Variants in EIF2AK3 observed in about 807,000 individuals in gnomAD.
The protein encoded by EIF2AK3 is eukaryotic translation initiation factor 2 alpha kinase 3, also known as eukaryotic translation initiation factor 2-alpha kinase 3.
A neutral mutation model predicts 113.5 loss-of-function variants in EIF2AK3; 50 were observed. The ratio of observed to expected loss-of-function variants is 0.44; its 90% CI spans 0.35 to 0.56. The LOEUF (loss-of-function observed/expected upper bound fraction) is 0.56, where lower values mean the gene tolerates loss of function less well. Ranked by LOEUF, EIF2AK3 falls within the 20% of genes least tolerant of loss-of-function variation. The pLI, the probability that EIF2AK3 is intolerant of heterozygous loss-of-function variation, is 0.00. For missense variants in EIF2AK3, 1,185 were observed against 1,378.0 expected (o/e 0.86, Z 2.22); for synonymous variants, 448 against 495.4 (o/e 0.90, Z 1.27).
intron 1 of EIF2AK3, 124 bp downstream of exon 1, chr2:88,626,843 C>T: frequency 7.5e-7 from 1 of 1,339,088 alleles, no homozygotes; most frequent in Non-Finnish European, 1.0e-6. Context: ...CCCAGGTCGC[C>T]AGCTGCCCTC....
intron 10 of EIF2AK3, 43 bp downstream of exon 10, chr2:88,583,387 T>C: frequency 6.7e-7 from 1 of 1,492,330 alleles, no homozygotes; most frequent in Non-Finnish European, 9.3e-7. Context: ...TCTTAGGTCA[T>C]TTCTTCTTTG....
rs147543731 is a variant in EIF2AK3, at chr2:88,627,398, C to A, written c.-124G>T. The A allele has an allele frequency of 4.8e-4, 579 of 1,214,686 alleles. 3 individuals carry two copies. In the African/African-American group the frequency reaches 8.5e-3, roughly 18 times the overall value. 75.2% of individuals were successfully genotyped at this position (1,214,686 alleles called of 1,614,324 possible). On this transcript the variant is annotated 5_prime_UTR_variant, in exon 1 of 17. Coordinates refer to ENST00000303236, the MANE Select transcript of EIF2AK3 (RefSeq NM_004836.7). ...CCTACTGCCGCCCCGACGGCCTGGA[C>A]AGCCAGCCGTGTTCCCCTGGCCACG...
At chr2:88,599,957 AGATTT>A (rs1343776740) in intron 2 of EIF2AK3, among the ~76,000 whole-genome samples, 1 of 152,218 alleles carries the variant, frequency 6.6e-6, no homozygotes, top group Non-Finnish European at 1.5e-5. Flanking sequence ...TAAAGATTCA[AGATTT>A]GATATCATTG....
intron 14 of EIF2AK3, among the ~76,000 whole-genome samples, chr2:88,565,893 G>C (rs1014699078): frequency 3.3e-5 from 5 of 152,030 alleles, no homozygotes; most frequent in African/African-American, 7.2e-5. Context: ...AATTACCAGG[G>C]CCAATAGATT....
chr2:88,599,816 T>C (rs1675107242), intron 2 of EIF2AK3, among the ~76,000 whole-genome samples: 1 of 152,084 alleles, frequency 6.6e-6, no homozygotes, highest in South Asian at 2.1e-4. Context: ...AGTGCAAAAA[T>C]CAACTGCCAA....
chr2:88,593,840 T>G, intron 3 of EIF2AK3: 3 of 953,422 alleles, frequency 3.1e-6, no homozygotes, highest in South Asian at 4.5e-5. Context: ...CAAAAGTAAC[T>G]GCCTCAAATT....
chr2:88,562,153 TACTC>T (rs1185199693), intron 15 of EIF2AK3, 132 bp downstream of exon 15: 2 of 705,702 alleles, frequency 2.8e-6, no homozygotes, highest in Non-Finnish European at 5.0e-6. Context: ...CTCTCTGTGT[TACTC>T]ACATCACCTC....
Position 88,587,231 on chromosome 2 carries a change from AAGAT to A in EIF2AK3, c.1429+747_1429+750del, listed in dbSNP as rs1434422365. On this transcript the variant is annotated intron_variant, in intron 8 of 16. Transcript: ENST00000303236. ...AAAAAAAAAAAAAAAAAAAAAAAAAAAGATAAAGGCTGCTGTTTCTAGTTCAGAG... is the reference window on the plus strand; with the variant it reads ...AAAAAAAAAAAAAAAAAAAAAAAAAAAAAGGCTGCTGTTTCTAGTTCAGAG... 5.3e-5 allele frequency among the ~76,000 whole-genome samples: 8 copies of A among 150,084 alleles called. No homozygotes were observed. In the East Asian group the frequency reaches 1.2e-3, roughly 22 times the overall value.
rs1213285607 is a variant in EIF2AK3, at chr2:88,570,975, T to C, written c.2884A>G (p.Met962Val). The C allele has an allele frequency of 1.9e-6, 3 of 1,614,034 alleles. No homozygotes were observed. The highest frequency in any genetic ancestry group is 2.7e-5 in the African/African-American group (2 of 74,916). Residue 962 changes from methionine (M) to valine (V), a missense_variant, in exon 14 of 17, where the codon ATG becomes GTG. Coordinates refer to ENST00000303236, the MANE Select transcript of EIF2AK3 (RefSeq NM_004836.7). Reference sequence around the variant, plus strand: ...GTCTGCTCTTCCTCATCCTGGTCCATTGCAGTCACTAACCCAAAGTCTCCA... The same window carrying C: ...GTCTGCTCTTCCTCATCCTGGTCCACTGCAGTCACTAACCCAAAGTCTCCA... ...KVGDFGLVTA[M>V]DQDEEEQTVL...
intron 10 of EIF2AK3, among the ~76,000 whole-genome samples, chr2:88,580,952 A>C (rs1226069573): frequency 1.3e-5 from 2 of 151,970 alleles, no homozygotes; most frequent in African/African-American, 4.8e-5. Context: ...TTCATATCCT[A>C]CTCCTGGAGG....
At position 88,574,755 on chromosome 2, in the gene EIF2AK3, C is replaced by T; in HGVS notation, c.2728G>A (p.Glu910Lys). Residue 910 changes from glutamate to lysine, a missense_variant, in exon 13 of 17, where the codon GAG becomes AAG. By Grantham distance (56) the Glu-to-Lys change is moderately conservative. Around this residue, in one of 3 missense-constraint regions of EIF2AK3, gnomAD observed 877 missense variants for 1,024.2 expected, o/e 0.86. Coordinates refer to ENST00000303236, the MANE Select transcript of EIF2AK3 (RefSeq NM_004836.7). ...MNGRCTIEER[E>K]RSVCLHIFLQ... is the part of the protein sequence containing the mutation. ...AAGATGTGCAGACACACGCTCCTCTCTCTCTCCTCTATGGTACATCGTCCA... is the reference window on the plus strand; with the variant it reads ...AAGATGTGCAGACACACGCTCCTCTTTCTCTCCTCTATGGTACATCGTCCA... The T allele has an allele frequency of 6.2e-7, 1 of 1,614,232 alleles. No individual in the cohort carries two copies. Among genetic ancestry groups the T allele is most frequent in the Admixed American group, 1.7e-5 (1 of 60,026 alleles).
chr2:88,602,591 G>A (rs1479903222), intron 2 of EIF2AK3, among the ~76,000 whole-genome samples: 1 of 152,126 alleles, frequency 6.6e-6, no homozygotes, highest in Non-Finnish European at 1.5e-5. Flanking sequence ...AAGAACCCCA[G>A]AGAGCATTTC....
intron 13 of EIF2AK3, among the ~76,000 whole-genome samples, chr2:88,571,619 G>A (rs1306912265): frequency 1.3e-5 from 2 of 152,210 alleles, no homozygotes; most frequent in African/African-American, 4.8e-5. Context: ...GCTCTATGAG[G>A]AAAGGACCTT....
chr2:88,566,962 C>T (rs1282401919), intron 14 of EIF2AK3, among the ~76,000 whole-genome samples: 1 of 151,934 alleles, frequency 6.6e-6, no homozygotes, highest in African/African-American at 2.4e-5. Context: ...AATAAAATTT[C>T]CAGCCAGCAA....
chr2:88,558,994 A>C lies in EIF2AK3; in HGVS notation c.3088-15T>G, dbSNP rs771764830. 6.6e-7 allele frequency: 1 copy of C among 1,522,360 alleles called. No homozygotes were observed. The highest frequency in any genetic ancestry group is 1.7e-5 in the Admixed American group (1 of 59,418). The allele number at this position is 1,522,360 out of a possible 1,614,324, so 94.3% of individuals were successfully genotyped here. ...TCAGTTAAGGTCTAAAAAGAAAAAAAGTATCACTTATTAAGTTTATTTTGA... is the reference window on the plus strand; with the variant it reads ...TCAGTTAAGGTCTAAAAAGAAAAAACGTATCACTTATTAAGTTTATTTTGA... On this transcript the variant is annotated splice_polypyrimidine_tract_variant and intron_variant, in intron 15 of 16. Transcript: ENST00000303236.
At chr2:88,558,829 A>C in intron 16 of EIF2AK3, 88 bp downstream of exon 16, 1 of 1,098,920 alleles carries the variant, frequency 9.1e-7, no homozygotes, top group Non-Finnish European at 1.3e-6. Context: ...CCTCATCTGT[A>C]AAATAGGGGA....
chr2:88,606,500 A>G (rs1675283167), intron 2 of EIF2AK3, among the ~76,000 whole-genome samples: 1 of 152,302 alleles, frequency 6.6e-6, no homozygotes, highest in Admixed American at 6.5e-5. Context: ...TTATTTAAAT[A>G]TTGGCTTGCT....
chr2:88,579,974 C>T, intron 10 of EIF2AK3: 1 of 259,020 alleles, frequency 3.9e-6, no homozygotes, highest in Non-Finnish European at 7.6e-6. Flanking sequence ...TATTCCTAAT[C>T]CTCATATCTT....
intron 11 of EIF2AK3, among the ~76,000 whole-genome samples, chr2:88,577,983 C>A (rs1306024825): frequency 6.6e-6 from 1 of 152,190 alleles, no homozygotes; most frequent in African/African-American, 2.4e-5. Context: ...AGGTCAAAAT[C>A]TTTCTTGCAT....
Sources: allele counts gnomAD v4.1 joint callset (sites outside exome capture counted in the v4.1 genomes callset), GRCh38; gene constraint gnomAD v4.1.1; regional missense constraint gnomAD v4.1.1; transcripts MANE v1.5; gene names NCBI Gene and HGNC (gene_info 2026-07-23, HGNC 2026-07-21).